The following SLC39A11 variants were observed in gnomAD, a reference collection of about 807,000 sequenced individuals.
SLC39A11 encodes solute carrier family 39 member 11.
A neutral mutation model predicts 36.1 loss-of-function variants in SLC39A11; 33 were observed. The ratio of observed to expected loss-of-function variants is 0.91; its 90% CI spans 0.69 to 1.22. The LOEUF (loss-of-function observed/expected upper bound fraction) is 1.22, where lower values mean the gene tolerates loss of function less well. Ranked by LOEUF, SLC39A11 falls within the 50% of genes most tolerant of loss-of-function variation. SLC39A11 has a pLI of 0.00. For missense variants in SLC39A11, 432 were observed against 430.3 expected (o/e 1.00, Z -0.03); for synonymous variants, 166 against 170.3 (o/e 0.97, Z 0.20).
At chr17:72,934,381 C>T (rs563029120) in intron 5 of SLC39A11, among the ~76,000 whole-genome samples, 14 of 152,108 alleles carry the variant, frequency 9.2e-5, no homozygotes, top group African/African-American at 1.9e-4. Flanking sequence ...AAAGAACTCT[C>T]GGGGCCGGGC....
chr17:73,085,647 A>C (rs2060704357), intron 2 of SLC39A11, among the ~76,000 whole-genome samples: 1 of 151,342 alleles, frequency 6.6e-6, no homozygotes, highest in Non-Finnish European at 1.5e-5. Flanking sequence ...CGCCTCAAAA[A>C]AAAAAAAAAA....
At chr17:72,650,737 T>A (rs761603077) in intron 7 of SLC39A11, among the ~76,000 whole-genome samples, 1 of 152,142 alleles carries the variant, frequency 6.6e-6, no homozygotes, top group Admixed American at 6.5e-5. Flanking sequence ...GACTTTCAGG[T>A]CAACTGGCTC....
chr17:72,830,340 T>TC (rs397812320), intron 6 of SLC39A11, among the ~76,000 whole-genome samples: 5 of 151,808 alleles, frequency 3.3e-5, no homozygotes, highest in Non-Finnish European at 7.4e-5. Flanking sequence ...TTTTTTTTTT[T>TC]CCTAAATCAG....
chr17:72,952,371 C>T (rs1413084705), intron 4 of SLC39A11, among the ~76,000 whole-genome samples: 1 of 152,200 alleles, frequency 6.6e-6, no homozygotes, highest in Non-Finnish European at 1.5e-5. Flanking sequence ...GCTCGCTTTG[C>T]TAGCTTTATC....
intron 3 of SLC39A11, among the ~76,000 whole-genome samples, chr17:73,070,342 G>C (rs1388114692): frequency 6.6e-6 from 1 of 152,144 alleles, no homozygotes; most frequent in Non-Finnish European, 1.5e-5. Context: ...GCCTTCCATA[G>C]ACAGGGCTGC....
intron 5 of SLC39A11, among the ~76,000 whole-genome samples, chr17:72,876,004 C>T (rs1042647601): frequency 6.6e-6 from 1 of 152,138 alleles, no homozygotes; most frequent in Non-Finnish European, 1.5e-5. Flanking sequence ...GTATATAATG[C>T]CCCTTAATCT....
chr17:72,750,401 A>G (rs79369397), intron 6 of SLC39A11, among the ~76,000 whole-genome samples: 4,105 of 136,274 alleles, frequency 0.03, 170 homozygotes, highest in African/African-American at 0.099. Context: ...TCTAGCACAC[A>G]CTTGACTATG....
chr17:72,935,230 GAAA>G (rs2084670077), intron 5 of SLC39A11, among the ~76,000 whole-genome samples: 2 of 152,194 alleles, frequency 1.3e-5, no homozygotes, highest in Non-Finnish European at 2.9e-5. Context: ...GAAGTTCTCT[GAAA>G]TGCATGACGC....
At chr17:72,740,137 A>C (rs1367272854) in intron 6 of SLC39A11, among the ~76,000 whole-genome samples, 1 of 128,980 alleles carries the variant, frequency 7.8e-6, no homozygotes, top group Non-Finnish European at 1.5e-5. Context: ...ATTTCGGCTC[A>C]CTGCAAGCTC....
At chr17:72,828,926 G>A (rs1459391856) in intron 6 of SLC39A11, among the ~76,000 whole-genome samples, 3 of 152,198 alleles carry the variant, frequency 2.0e-5, no homozygotes, top group Non-Finnish European at 4.4e-5. Context: ...TGTGTGGGGA[G>A]ATTAAAGACA....
rs113343636 is a variant in SLC39A11 at position 72,798,627 on chromosome 17, C to T, written c.601+51007G>A. On this transcript the variant is annotated intron_variant, in intron 6 of 9. Transcript: ENST00000255559. ...CTCGAAATTCTGACCTCAGGTGATC[C>T]ACCCACCTTGGTCTCCCAAAGTGCT... 6.5e-3 allele frequency among the ~76,000 whole-genome samples: 984 copies of T among 151,964 alleles called. 19 individuals are homozygous for T. The highest frequency in any genetic ancestry group is 0.023 in the African/African-American group (944 of 41,374).
At chr17:72,746,864 T>C (rs753777615) in intron 6 of SLC39A11, among the ~76,000 whole-genome samples, 2 of 152,104 alleles carry the variant, frequency 1.3e-5, no homozygotes, top group East Asian at 1.9e-4. Flanking sequence ...CAGGACAACA[T>C]AGTGAGACCC....
chr17:72,962,786 C>T (rs1029490906), intron 4 of SLC39A11, among the ~76,000 whole-genome samples: 1 of 152,226 alleles, frequency 6.6e-6, no homozygotes, highest in Non-Finnish European at 1.5e-5. Context: ...GTCCACCCGC[C>T]TCAGCCTCCC....
chr17:72,900,103 GAAAGAAAA>G (rs1567911521), intron 5 of SLC39A11, among the ~76,000 whole-genome samples: 1 of 122,216 alleles, frequency 8.2e-6, no homozygotes, highest in East Asian at 2.3e-4. Flanking sequence ...AGAAAAGAAA[GAAAGAAAA>G]AGAAAGAAAG....
At chr17:73,019,182 A>G (rs571387423) in intron 4 of SLC39A11, among the ~76,000 whole-genome samples, 8 of 152,348 alleles carry the variant, frequency 5.3e-5, no homozygotes, top group African/African-American at 1.9e-4. Flanking sequence ...ATGAATATTA[A>G]AAGTAGTTCT....
chr17:72,749,204 G>T (rs979523756), intron 6 of SLC39A11, among the ~76,000 whole-genome samples: 66 of 152,132 alleles, frequency 4.3e-4, no homozygotes, highest in African/African-American at 1.5e-3. Flanking sequence ...AAATCCCTGT[G>T]CCCTTTGAGT....
intron 7 of SLC39A11, among the ~76,000 whole-genome samples, chr17:72,724,869 C>T (rs1414284801): frequency 1.3e-5 from 2 of 151,904 alleles, no homozygotes; most frequent in Non-Finnish European, 2.9e-5. Flanking sequence ...ACCAGTCCTA[C>T]AAATTCAAGC....
intron 4 of SLC39A11, among the ~76,000 whole-genome samples, chr17:72,980,071 T>C (rs1014528621): frequency 6.6e-6 from 1 of 152,184 alleles, no homozygotes; most frequent in African/African-American, 2.4e-5. Flanking sequence ...CCTATTTGCA[T>C]CTATAACTCC....
chr17:72,809,200 T>TCC lies in SLC39A11; in HGVS notation c.601+40433_601+40434insGG, dbSNP rs1491359871. On this transcript the variant is annotated intron_variant, in intron 6 of 9. Coordinates refer to ENST00000255559, the MANE Select transcript of SLC39A11 (RefSeq NM_139177.4). ...CTTAGATCATCTTCTTTCTTTTCTT[T>TCC]CTCTCTCTCTCTCTCTCTCTCTCTC... 3.6e-3 allele frequency among the ~76,000 whole-genome samples: 19 copies of TCC among 5,300 alleles called. 1 individual carries two copies. The highest frequency in any genetic ancestry group is 0.013 in the East Asian group (4 of 314). The allele number at this position is 5,300 out of a possible 152,430, so 3.5% of individuals were successfully genotyped here.
Sources: gnomAD v4.1 joint callset for allele counts (sites outside exome capture counted in the v4.1 genomes callset) on GRCh38, gnomAD v4.1.1 for gene constraint, MANE v1.5 for transcripts, NCBI Gene and HGNC (gene_info 2026-07-23, HGNC 2026-07-21) for gene names.